SPIRE1: variants seen among roughly 807,000 people sequenced by gnomAD.
The protein encoded by SPIRE1 is protein spire homolog 1.
SPIRE1 carries 40 observed loss-of-function variants against 94.1 expected under a neutral mutation model. The ratio of observed to expected loss-of-function variants is 0.43; its 90% confidence interval spans 0.33 to 0.55. SPIRE1 has a LOEUF of 0.55. Among genes scored for constraint, SPIRE1 ranks in the 20% least tolerant of loss-of-function variants. The pLI, the probability that SPIRE1 is intolerant of heterozygous loss-of-function variation, is 0.06. For synonymous variants in SPIRE1, 376 were observed against 371.7 expected (o/e 1.01, Z -0.13); for missense variants, 838 against 975.2 (o/e 0.86, Z 1.87).
intron 2 of SPIRE1, among the ~76,000 whole-genome samples, chr18:12,594,161 G>A (rs2036609305): frequency 6.6e-6 from 1 of 152,040 alleles, no homozygotes; most frequent in Non-Finnish European, 1.5e-5. Flanking sequence ...ATGGGCAAAA[G>A]GAACAGTACT....
intron 2 of SPIRE1, among the ~76,000 whole-genome samples, chr18:12,581,796 A>G (rs2036265094): frequency 6.6e-6 from 1 of 152,120 alleles, no homozygotes. Flanking sequence ...CCCAGGAGGC[A>G]GAGGTTGCAG....
At chr18:12,502,944 C>A (rs892398327) in intron 6 of SPIRE1, among the ~76,000 whole-genome samples, 56 of 151,942 alleles carry the variant, frequency 3.7e-4, no homozygotes, top group African/African-American at 1.3e-3. Flanking sequence ...CACATCTCTA[C>A]TAAAAATACA....
chr18:12,653,860 C>T (rs2038448524), intron 1 of SPIRE1, among the ~76,000 whole-genome samples: 1 of 151,566 alleles, frequency 6.6e-6, no homozygotes, highest in Admixed American at 6.6e-5. Context: ...GCAGGAGAAT[C>T]TCTTGAACCC....
chr18:12,453,689 C>T (rs745565707), intron 13 of SPIRE1, among the ~76,000 whole-genome samples: 3 of 151,948 alleles, frequency 2.0e-5, no homozygotes, highest in Non-Finnish European at 2.9e-5. Flanking sequence ...CTGCCTAGGC[C>T]GCCCAAAGTG....
intron 2 of SPIRE1, among the ~76,000 whole-genome samples, chr18:12,579,387 A>G (rs1407391130): frequency 6.6e-6 from 1 of 152,220 alleles, no homozygotes; most frequent in African/African-American, 2.4e-5. Context: ...GCTAGACACT[A>G]AAAGGCAATT....
intron 6 of SPIRE1, among the ~76,000 whole-genome samples, chr18:12,501,193 T>C (rs968138052): frequency 6.7e-6 from 1 of 150,042 alleles, no homozygotes; most frequent in African/African-American, 2.5e-5. Context: ...AAAGGTCATA[T>C]ATGATGAGGC....
intron 5 of SPIRE1, among the ~76,000 whole-genome samples, chr18:12,507,897 A>G (rs1324717226): frequency 1.3e-5 from 2 of 152,242 alleles, no homozygotes; most frequent in Admixed American, 1.3e-4. Context: ...CTGTAATCCC[A>G]GCACTCTGGG....
At chr18:12,457,806 A>G (rs909560419) in intron 12 of SPIRE1, among the ~76,000 whole-genome samples, 2 of 151,580 alleles carry the variant, frequency 1.3e-5, no homozygotes, top group Non-Finnish European at 2.9e-5. Flanking sequence ...TTATTGTGCC[A>G]CAGAGAGAAA....
At position 12,586,327 on chromosome 18, in the gene SPIRE1, C is replaced by G. The variant is rs78929468; in HGVS notation, c.373-39423G>C. 1.6e-3 allele frequency among the ~76,000 whole-genome samples: 244 copies of G among 152,268 alleles called. 1 individual carries two copies. The highest frequency in any genetic ancestry group is 5.7e-3 in the African/African-American group (235 of 41,556). On this transcript the variant is annotated intron_variant, in intron 2 of 16. Transcript: ENST00000409402. ...AACTGAGTTATTTTGCCACCATAAT[C>G]CTAAAACAGTAAGTCTAAAACTGTT...
At position 12,512,484 on chromosome 18, in the gene SPIRE1, T is replaced by A. The variant is rs375720558; in HGVS notation, c.777A>T (p.Thr259=). 13 of 1,612,982 alleles carry A rather than the reference T, an allele frequency of 8.1e-6. No homozygotes were observed. In the African/African-American group the frequency reaches 1.5e-4, roughly 18 times the overall value. ...QEMEKSDESS[T]DLEELKNADW... is the part of the protein sequence containing the mutation. ...CAGCGTTTTTCAGCTCTTCCAAGTC[T>A]GTGCTAGATTCATCGCTCTTTTCCA... Residue 259 remains threonine, a synonymous_variant, in exon 5 of 17, where the codon ACA becomes ACT. Coordinates refer to ENST00000409402, the MANE Select transcript of SPIRE1 (RefSeq NM_001128626.2).
intron 9 of SPIRE1, among the ~76,000 whole-genome samples, chr18:12,483,569 T>C (rs2032922019): frequency 6.6e-6 from 1 of 152,194 alleles, no homozygotes; most frequent in African/African-American, 2.4e-5. Flanking sequence ...GACTGGCATA[T>C]AAATTATATA....
intron 4 of SPIRE1, among the ~76,000 whole-genome samples, chr18:12,526,689 T>C (rs2034532221): frequency 6.6e-6 from 1 of 151,294 alleles, no homozygotes; most frequent in South Asian, 2.1e-4. Context: ...ACCCATTATA[T>C]GGAAGACATT....
chr18:12,569,611 T>A (rs2035911651), intron 2 of SPIRE1, among the ~76,000 whole-genome samples: 1 of 140,006 alleles, frequency 7.1e-6, no homozygotes. Flanking sequence ...GGCCAAAACG[T>A]AGAAATGTTT....
chr18:12,590,557 C>G (rs368816094), intron 2 of SPIRE1, among the ~76,000 whole-genome samples: 34 of 152,260 alleles, frequency 2.2e-4, no homozygotes, highest in African/African-American at 8.2e-4. Flanking sequence ...TATTGGGCCA[C>G]AATAGACTAT....
intron 8 of SPIRE1, 33 bp from the exon 9 acceptor site, chr18:12,486,033 A>AG: frequency 6.7e-7 from 1 of 1,496,496 alleles, no homozygotes; most frequent in South Asian, 1.3e-5. Context: ...TAAAAAGAAA[A>AG]TAATTCAGCT....
intron 2 of SPIRE1, among the ~76,000 whole-genome samples, chr18:12,594,654 T>A (rs1046597955): frequency 2.5e-4 from 38 of 152,358 alleles, no homozygotes; most frequent in Non-Finnish European, 5.0e-4. Context: ...TTTGCTTATC[T>A]TTATTTTCTA....
chr18:12,571,912 A>C (rs989791762), intron 2 of SPIRE1, among the ~76,000 whole-genome samples: 3 of 152,240 alleles, frequency 2.0e-5, no homozygotes, highest in Non-Finnish European at 2.9e-5. Flanking sequence ...AACCATGTTA[A>C]ACATTACAAT....
At chr18:12,643,206 C>A (rs1379538339) in intron 1 of SPIRE1, among the ~76,000 whole-genome samples, 1 of 152,118 alleles carries the variant, frequency 6.6e-6, no homozygotes, top group African/African-American at 2.4e-5. Flanking sequence ...AAGACAAGGA[C>A]AATGAAAGTC....
chr18:12,564,875 T>C (rs759319619), intron 2 of SPIRE1, among the ~76,000 whole-genome samples: 2 of 151,408 alleles, frequency 1.3e-5, no homozygotes, highest in Admixed American at 1.3e-4. Context: ...GAACAAAGAC[T>C]GGGGAAAAAC....
Sources: allele counts gnomAD v4.1 joint callset (sites outside exome capture counted in the v4.1 genomes callset), GRCh38; gene constraint gnomAD v4.1.1; transcripts MANE v1.5; gene names NCBI Gene and HGNC (gene_info 2026-07-23, HGNC 2026-07-21).